Variants in RNF180 observed in about 807,000 individuals in gnomAD.
The protein encoded by RNF180 is ring finger protein 180.
Under a neutral mutation model 59.2 loss-of-function variants are expected in RNF180, and 38 were observed. The ratio of observed to expected loss-of-function variants is 0.64; its 90% confidence interval spans 0.50 to 0.84. RNF180 has a LOEUF of 0.84. Among genes scored for constraint, RNF180 ranks in the 40% least tolerant of loss-of-function variants. RNF180 has a pLI of 0.00. For synonymous variants in RNF180, 262 were observed against 240.3 expected (o/e 1.09, Z -0.84); for missense variants, 705 against 700.9 (o/e 1.01, Z -0.07).
At chr5:64,344,549 G>C (rs1211860007) in intron 7 of RNF180, among the ~76,000 whole-genome samples, 1 of 151,978 alleles carries the variant, frequency 6.6e-6, no homozygotes, top group Non-Finnish European at 1.5e-5. Context: ...ACACAATGAT[G>C]GTGTACAGGA....
chr5:64,349,926 G>A (rs898559784), intron 7 of RNF180, among the ~76,000 whole-genome samples: 2 of 152,108 alleles, frequency 1.3e-5, no homozygotes, highest in African/African-American at 2.4e-5. Context: ...ATAGCAGCAT[G>A]ATTTATAATC....
intron 7 of RNF180, among the ~76,000 whole-genome samples, chr5:64,363,206 T>C (rs1746322773): frequency 2.0e-5 from 3 of 151,910 alleles, no homozygotes; most frequent in Admixed American, 2.0e-4. Context: ...TATATTGTCT[T>C]CCAGGGTTTT....
At chr5:64,240,327 AT>A (rs1374949698) in intron 5 of RNF180, among the ~76,000 whole-genome samples, 1 of 152,176 alleles carries the variant, frequency 6.6e-6, no homozygotes, top group Non-Finnish European at 1.5e-5. Context: ...ATCTGATAAA[AT>A]TTGCTTTATC....
chr5:64,300,502 T>C (rs1478658138), intron 5 of RNF180, among the ~76,000 whole-genome samples: 1 of 151,822 alleles, frequency 6.6e-6, no homozygotes, highest in Admixed American at 6.6e-5. Flanking sequence ...AGTGGCTTTT[T>C]TGGGATGTTA....
intron 2 of RNF180, among the ~76,000 whole-genome samples, chr5:64,209,171 T>C (rs1752178475): frequency 6.6e-6 from 1 of 152,004 alleles, no homozygotes; most frequent in South Asian, 2.1e-4. Flanking sequence ...CTTAAAACGG[T>C]GCCTGTGCAT....
intron 5 of RNF180, among the ~76,000 whole-genome samples, chr5:64,249,866 C>A (rs1743450395): frequency 6.6e-6 from 1 of 151,616 alleles, no homozygotes; most frequent in Admixed American, 6.6e-5. Flanking sequence ...AACTGCAATA[C>A]AATAATAGTA....
intron 5 of RNF180, among the ~76,000 whole-genome samples, chr5:64,312,354 TCTC>T (rs1354272934): frequency 6.6e-6 from 1 of 152,032 alleles, no homozygotes; most frequent in Non-Finnish European, 1.5e-5. Context: ...ACCCTCTTAT[TCTC>T]CTCCATTAGC....
intron 1 of RNF180, among the ~76,000 whole-genome samples, chr5:64,171,473 G>C (rs886931860): frequency 6.6e-6 from 1 of 152,120 alleles, no homozygotes; most frequent in South Asian, 2.1e-4. Flanking sequence ...ACAGACTATT[G>C]CAAGTACATG....
intron 5 of RNF180, among the ~76,000 whole-genome samples, chr5:64,233,144 C>T (rs1032766563): frequency 6.6e-5 from 10 of 151,848 alleles, no homozygotes; most frequent in African/African-American, 2.4e-4. Flanking sequence ...TTTTCTCATC[C>T]AAAAAAATGG....
At chr5:64,186,621 T>G (rs887084266) in intron 1 of RNF180, among the ~76,000 whole-genome samples, 1 of 152,196 alleles carries the variant, frequency 6.6e-6, no homozygotes, top group Admixed American at 6.5e-5. Context: ...TTATTGAATA[T>G]TAACTGAAAA....
intron 5 of RNF180, among the ~76,000 whole-genome samples, chr5:64,288,597 G>A (rs552094178): frequency 2.2e-4 from 34 of 152,254 alleles, no homozygotes; most frequent in African/African-American, 6.7e-4. Context: ...TCTCCTTGAA[G>A]AAGTCCTTCA....
intron 5 of RNF180, among the ~76,000 whole-genome samples, chr5:64,315,409 A>T (rs2112492134): frequency 1.3e-5 from 2 of 152,270 alleles, no homozygotes; most frequent in Admixed American, 1.3e-4. Context: ...ATGTTCTATG[A>T]AAAAAGAAGC....
At chr5:64,247,559 G>C (rs894562971) in intron 5 of RNF180, among the ~76,000 whole-genome samples, 2 of 152,204 alleles carry the variant, frequency 1.3e-5, no homozygotes, top group African/African-American at 4.8e-5. Flanking sequence ...CAAGGGATGT[G>C]AAGGACCTCT....
At chr5:64,330,087 A>G (rs1158324052) in intron 6 of RNF180, among the ~76,000 whole-genome samples, 194 bp from the exon 7 acceptor site, 3 of 152,216 alleles carry the variant, frequency 2.0e-5, no homozygotes, top group African/African-American at 7.2e-5. Flanking sequence ...TCAAAGTTGC[A>G]CCAAATGTGA....
At chr5:64,295,958 C>G (rs1180863314) in intron 5 of RNF180, among the ~76,000 whole-genome samples, 3 of 152,118 alleles carry the variant, frequency 2.0e-5, no homozygotes, top group Non-Finnish European at 1.5e-5. Flanking sequence ...TATTGATTAG[C>G]CATTTCTAGT....
chr5:64,227,963 G>C (rs1004545452), intron 5 of RNF180, among the ~76,000 whole-genome samples: 1 of 151,878 alleles, frequency 6.6e-6, no homozygotes, highest in African/African-American at 2.4e-5. Context: ...GTGCTTCCTT[G>C]TCCTGCCTTG....
chr5:64,183,176 G>A (rs1750698739), intron 1 of RNF180, among the ~76,000 whole-genome samples: 1 of 152,072 alleles, frequency 6.6e-6, no homozygotes, highest in Non-Finnish European at 1.5e-5. Flanking sequence ...AAAGTGATGG[G>A]AATAATTTCA....
intron 5 of RNF180, among the ~76,000 whole-genome samples, chr5:64,223,222 CA>C (rs1221893933): frequency 6.6e-6 from 1 of 152,192 alleles, no homozygotes; most frequent in African/African-American, 2.4e-5. Context: ...CATATGGCAT[CA>C]CTACAACTCC....
intron 5 of RNF180, among the ~76,000 whole-genome samples, chr5:64,273,952 A>G (rs955022640): frequency 6.6e-6 from 1 of 152,060 alleles, no homozygotes. Context: ...ATTTGACACT[A>G]GAGTTGAGAA....
Sources: gnomAD v4.1 joint callset for allele counts (sites outside exome capture counted in the v4.1 genomes callset) on GRCh38, gnomAD v4.1.1 for gene constraint, MANE v1.5 for transcripts, NCBI Gene and HGNC (gene_info 2026-07-23, HGNC 2026-07-21) for gene names.